WDFY3: variants seen among roughly 807,000 people sequenced by gnomAD.
The protein encoded by WDFY3 is WD repeat and FYVE domain containing 3, also known as WD repeat and FYVE domain-containing protein 3.
A neutral mutation model predicts 409.6 loss-of-function variants in WDFY3; 66 were observed. That is an observed-to-expected ratio of 0.16 (90% CI 0.13 to 0.20). WDFY3 has a LOEUF of 0.20. Among genes scored for constraint, WDFY3 ranks in the 10% least tolerant of loss-of-function variants. The pLI is 1.00. For synonymous variants in WDFY3, 1,521 were observed against 1,537.1 expected (o/e 0.99, Z 0.25); for missense variants, 3,031 against 4,298.1 (o/e 0.71, Z 8.24).
intron 3 of WDFY3, among the ~76,000 whole-genome samples, chr4:84,885,356 G>GTT (rs1764070204): frequency 6.6e-6 from 1 of 151,066 alleles, no homozygotes; most frequent in East Asian, 1.9e-4. Flanking sequence ...GTGTGTGTGT[G>GTT]TGTGTGTGTG....
chr4:84,929,868 A>G (rs140587558), intron 2 of WDFY3, among the ~76,000 whole-genome samples: 126 of 152,066 alleles, frequency 8.3e-4, no homozygotes, highest in African/African-American at 2.8e-3. Context: ...TCAAGGTCGC[A>G]CCACTGCACT....
chr4:84,843,233 AG>A (rs1282648066), intron 5 of WDFY3, among the ~76,000 whole-genome samples: 3 of 152,222 alleles, frequency 2.0e-5, no homozygotes, highest in Non-Finnish European at 4.4e-5. Context: ...TGAATGATAC[AG>A]GGAGATTCCA....
intron 15 of WDFY3, among the ~76,000 whole-genome samples, chr4:84,804,578 C>T (rs1385846781): frequency 6.6e-6 from 1 of 152,138 alleles, no homozygotes; most frequent in African/African-American, 2.4e-5. Context: ...CTGTATTCTG[C>T]CATTTTTCAT....
intron 2 of WDFY3, among the ~76,000 whole-genome samples, chr4:84,914,132 G>C (rs1230916112): frequency 6.6e-6 from 1 of 152,056 alleles, no homozygotes; most frequent in African/African-American, 2.4e-5. Context: ...TCAACAGTAG[G>C]TTATTAGGGC....
At chr4:84,837,554 C>T (rs1166566738) in intron 6 of WDFY3, among the ~76,000 whole-genome samples, 3 of 151,994 alleles carry the variant, frequency 2.0e-5, no homozygotes, top group Non-Finnish European at 4.4e-5. Flanking sequence ...TGCTGCTTTA[C>T]TATTATTTTT....
intron 2 of WDFY3, among the ~76,000 whole-genome samples, chr4:84,927,568 C>T (rs550881680): frequency 6.6e-6 from 1 of 152,178 alleles, no homozygotes; most frequent in African/African-American, 2.4e-5. Context: ...AATTGTAATC[C>T]CCATAATCCC....
chr4:84,802,255 C>CTTTTTTT, intron 16 of WDFY3, among the ~76,000 whole-genome samples: 1 of 137,792 alleles, frequency 7.3e-6, no homozygotes, highest in Admixed American at 7.3e-5. Context: ...CAGAAGCATA[C>CTTTTTTT]TTTTTTTTTT....
At chr4:84,823,577 A>G (rs921678170) in intron 10 of WDFY3, among the ~76,000 whole-genome samples, 15 of 152,074 alleles carry the variant, frequency 9.9e-5, no homozygotes, top group African/African-American at 3.6e-4. Flanking sequence ...TATCTAAAGA[A>G]CTCTTATAAC....
chr4:84,933,475 G>A (rs1014913914), intron 1 of WDFY3, among the ~76,000 whole-genome samples: 1 of 151,970 alleles, frequency 6.6e-6, no homozygotes, highest in Non-Finnish European at 1.5e-5. Flanking sequence ...CATACAATGT[G>A]TAATAATCAC....
chr4:84,670,202 T>G lies in WDFY3; in HGVS notation c.*2666A>C, dbSNP rs574850949. ...ACATAGAAATGTTAGAATACATGGA[T>G]GAACAAATGAACAGGTGGATGGATG... is the stretch of plus-strand genomic sequence containing the variant. On this transcript the variant is annotated 3_prime_UTR_variant, in exon 68 of 68. Coordinates refer to ENST00000295888, the MANE Select transcript of WDFY3 (RefSeq NM_014991.6). 1 of 152,726 alleles carries G rather than the reference T, an allele frequency of 6.5e-6. No individual in the cohort carries two copies. Among genetic ancestry groups the G allele is most frequent in the South Asian group, 2.1e-4 (1 of 4,828 alleles). The allele number at this position is 152,726 out of a possible 1,614,324, so 9.5% of individuals were successfully genotyped here.
chr4:84,760,290 C>T (rs1360247455), intron 32 of WDFY3, among the ~76,000 whole-genome samples: 1 of 152,062 alleles, frequency 6.6e-6, no homozygotes, highest in African/African-American at 2.4e-5. Context: ...CTCTGCCCGG[C>T]TTTGGTATCA....
intron 13 of WDFY3, 89 bp from the exon 14 acceptor site, chr4:84,810,433 T>C (rs1418192480): frequency 5.4e-6 from 6 of 1,102,758 alleles, no homozygotes; most frequent in Middle Eastern, 4.2e-4. Context: ...AGGTTGTACA[T>C]TCTGTGAATC....
At chr4:84,874,808 T>C (rs1259439634) in intron 3 of WDFY3, among the ~76,000 whole-genome samples, 1 of 152,120 alleles carries the variant, frequency 6.6e-6, no homozygotes, top group African/African-American at 2.4e-5. Flanking sequence ...ACTCGAGAAG[T>C]GCACTGTTAG....
chr4:84,939,549 C>G (rs1346015874), intron 1 of WDFY3, among the ~76,000 whole-genome samples: 4 of 152,116 alleles, frequency 2.6e-5, no homozygotes, highest in Non-Finnish European at 4.4e-5. Context: ...CAGAGTCCTA[C>G]TGGAAGAAAG....
intron 2 of WDFY3, among the ~76,000 whole-genome samples, chr4:84,931,196 T>C (rs1296454380): frequency 6.6e-6 from 1 of 152,226 alleles, no homozygotes; most frequent in Admixed American, 6.5e-5. Context: ...GTGGAAGAAG[T>C]ACTACTATAT....
chr4:84,926,893 C>T (rs546730152), intron 2 of WDFY3, among the ~76,000 whole-genome samples: 1 of 152,266 alleles, frequency 6.6e-6, no homozygotes, highest in East Asian at 1.9e-4. Flanking sequence ...GATAAGAATG[C>T]CTTCCCCAGT....
chr4:84,766,504 AC>A (rs1170496395), intron 30 of WDFY3, 132 bp from the exon 31 acceptor site: 1 of 842,360 alleles, frequency 1.2e-6, no homozygotes, highest in Non-Finnish European at 1.8e-6. Flanking sequence ...CTTTTCACCA[AC>A]ATGGACAAGA....
In WDFY3 at chr4:84,704,289, T is replaced by A. The variant is rs368999060; in HGVS notation, c.8442+49A>T. The A allele has an allele frequency of 9.9e-6, 13 of 1,318,390 alleles. No individual in the cohort carries two copies. In the South Asian group the frequency reaches 1.8e-4, roughly 18 times the overall value. 81.7% of individuals were successfully genotyped at this position (1,318,390 alleles called of 1,614,324 possible). On this transcript the variant is annotated intron_variant, in intron 55 of 67. Transcript: ENST00000295888. ...ATGTTTTAAAAGGTGACATTTTAGA[T>A]AGAAGTAGGCTTGTATAAAATAGAA...
At chr4:84,742,089 GA>G (rs1738536215) in intron 37 of WDFY3, among the ~76,000 whole-genome samples, 168 bp from the exon 38 acceptor site, 1 of 152,218 alleles carries the variant, frequency 6.6e-6, no homozygotes, top group Admixed American at 6.5e-5. Flanking sequence ...TCAATGGCCA[GA>G]AATCAGGATA....
Sources: gnomAD v4.1 joint callset for allele counts (sites outside exome capture counted in the v4.1 genomes callset) on GRCh38, gnomAD v4.1.1 for gene constraint, MANE v1.5 for transcripts, NCBI Gene and HGNC (gene_info 2026-07-23, HGNC 2026-07-21) for gene names.